Variants in PRKN observed in about 807,000 individuals in gnomAD.
The protein encoded by PRKN is E3 ubiquitin-protein ligase parkin.
Under a neutral mutation model 59.5 loss-of-function variants are expected in PRKN, and 56 were observed. That is an observed-to-expected ratio of 0.94 (90% CI 0.76 to 1.18). The LOEUF (loss-of-function observed/expected upper bound fraction) is 1.18, where lower values mean the gene tolerates loss of function less well. Ranked by LOEUF, PRKN falls within the 50% of genes most tolerant of loss-of-function variation. The pLI is 0.00. For missense variants in PRKN, 657 were observed against 596.4 expected, an observed-to-expected ratio of 1.10 and a Z score of -1.06; for synonymous variants, 250 against 222.1, an observed-to-expected ratio of 1.13 and a Z score of -1.12.
intron 2 of PRKN, among the ~76,000 whole-genome samples, chr6:162,383,029 G>A (rs1423775062): frequency 6.6e-6 from 1 of 152,134 alleles, no homozygotes; most frequent in Non-Finnish European, 1.5e-5. Context: ...TTTAATTCTA[G>A]ATCTCTTGCT....
At chr6:162,496,164 A>G (rs1018899241) in intron 1 of PRKN, among the ~76,000 whole-genome samples, 4 of 151,844 alleles carry the variant, frequency 2.6e-5, no homozygotes, top group African/African-American at 9.7e-5. Context: ...TTGAACCCCA[A>G]AGGTGGATGT....
At chr6:162,576,676 G>A (rs1452114808) in intron 1 of PRKN, among the ~76,000 whole-genome samples, 1 of 151,994 alleles carries the variant, frequency 6.6e-6, no homozygotes, top group Non-Finnish European at 1.5e-5. Context: ...GCTGGGCGTG[G>A]TGGCGCATGC....
chr6:161,735,459 G>T (rs1365099021), intron 7 of PRKN, among the ~76,000 whole-genome samples: 1 of 152,054 alleles, frequency 6.6e-6, no homozygotes, highest in East Asian at 1.9e-4. Context: ...TCCACAATAG[G>T]TGTTAGTCGA....
intron 1 of PRKN, among the ~76,000 whole-genome samples, chr6:162,640,628 A>G (rs1777922646): frequency 6.6e-6 from 1 of 152,218 alleles, no homozygotes; most frequent in African/African-American, 2.4e-5. Flanking sequence ...AGTCCTTAGT[A>G]ATTAAGTTTT....
At chr6:162,235,965 G>GAAAGAAAGA (rs1778664622) in intron 3 of PRKN, among the ~76,000 whole-genome samples, 1 of 93,608 alleles carries the variant, frequency 1.1e-5, no homozygotes, top group East Asian at 7.7e-4. Flanking sequence ...AAGGAAGAAA[G>GAAAGAAAGA]AAAGAAAGAA....
rs77816800 is a variant in PRKN, at chr6:161,544,894, T to C, written c.1083+3960A>G. 2.0e-5 allele frequency among the ~76,000 whole-genome samples: 3 copies of C among 152,184 alleles called. No homozygotes were observed. The highest frequency in any genetic ancestry group is 3.9e-4 in the East Asian group (2 of 5,188). ...CCCATATGTTTGAACAAAAGAGTCA[T>C]AAATACTAACTATAGCACCTATTTT... On this transcript the variant is annotated intron_variant, in intron 9 of 11. Transcript: ENST00000366898. This position sits in a 1 kb window ranked among gnomAD's most constrained non-coding sequence, Gnocchi z 5.5.
intron 1 of PRKN, among the ~76,000 whole-genome samples, chr6:162,543,666 C>T (rs146536566): frequency 2.6e-5 from 4 of 152,138 alleles, no homozygotes; most frequent in Admixed American, 2.0e-4. Flanking sequence ...CCCTGTCACA[C>T]TTTAAGTAAC....
At chr6:161,791,146 G>T (rs1790622089) in intron 6 of PRKN, among the ~76,000 whole-genome samples, 1 of 152,006 alleles carries the variant, frequency 6.6e-6, no homozygotes, top group South Asian at 2.1e-4. Flanking sequence ...TAAAGGTTAA[G>T]TAAAGTTCTC....
At chr6:162,265,863 T>A (rs1299488572) in intron 2 of PRKN, among the ~76,000 whole-genome samples, 1 of 152,166 alleles carries the variant, frequency 6.6e-6, no homozygotes, top group African/African-American at 2.4e-5. Flanking sequence ...GAAGATGGCA[T>A]ACTTTTATGG....
chr6:161,514,048 G>A (rs1216525074), intron 9 of PRKN, among the ~76,000 whole-genome samples: 1 of 151,826 alleles, frequency 6.6e-6, no homozygotes, highest in Admixed American at 6.6e-5. Context: ...TCTTCTCAAA[G>A]CAGAAATGTA....
intron 3 of PRKN, among the ~76,000 whole-genome samples, chr6:162,224,782 T>C (rs927488813): frequency 6.6e-6 from 1 of 152,096 alleles, no homozygotes; most frequent in South Asian, 2.1e-4. Context: ...GAGAAAATCA[T>C]GGCAAAAAAT....
At chr6:162,018,911 T>C (rs6415088) in intron 5 of PRKN, among the ~76,000 whole-genome samples, 123,496 of 151,758 alleles carry the variant, frequency 0.81, 50,870 homozygotes, top group African/African-American at 0.95. Flanking sequence ...TATTATTTTC[T>C]CATAATTTAG....
rs1409953206 is a variant in PRKN at position 161,499,584 on chromosome 6, A to T, written c.1083+49270T>A. Among the ~76,000 whole-genome samples, 1 of 152,076 alleles carries T rather than the reference A, an allele frequency of 6.6e-6. No homozygotes were observed. The highest frequency in any genetic ancestry group is 1.5e-5 in the Non-Finnish European group (1 of 68,018). On this transcript the variant is annotated intron_variant, in intron 9 of 11. Coordinates refer to ENST00000366898, the MANE Select transcript of PRKN (RefSeq NM_004562.3). This position sits in a 1 kb window ranked among gnomAD's most constrained non-coding sequence, Gnocchi z 4.2. ...CTTCTGAAAATGTGGTCCCTGGTCCACCTGGATCCAAGTTAGCTGAGTTGC... is the reference window on the plus strand; with the variant it reads ...CTTCTGAAAATGTGGTCCCTGGTCCTCCTGGATCCAAGTTAGCTGAGTTGC...
chr6:162,505,246 A>C (rs552424454), intron 1 of PRKN, among the ~76,000 whole-genome samples: 7 of 145,440 alleles, frequency 4.8e-5, no homozygotes, highest in Non-Finnish European at 1.1e-4. Flanking sequence ...AAGGATTTTT[A>C]ATGCAGCCTT....
At chr6:162,469,541 A>C (rs888300521) in intron 1 of PRKN, among the ~76,000 whole-genome samples, 3 of 150,932 alleles carry the variant, frequency 2.0e-5, no homozygotes, top group Non-Finnish European at 4.4e-5. Context: ...TACACATACT[A>C]CTCAGCCATT....
intron 7 of PRKN, among the ~76,000 whole-genome samples, chr6:161,726,428 T>C (rs1787443211): frequency 6.6e-6 from 1 of 152,230 alleles, no homozygotes; most frequent in Non-Finnish European, 1.5e-5. Flanking sequence ...TAATGTGTTA[T>C]CCGGCACATG....
chr6:161,506,607 T>C (rs1778180808), intron 9 of PRKN, among the ~76,000 whole-genome samples: 1 of 152,058 alleles, frequency 6.6e-6, no homozygotes, highest in Admixed American at 6.6e-5. Context: ...TCAAAAAGGG[T>C]CACAGGCGAG....
intron 6 of PRKN, among the ~76,000 whole-genome samples, chr6:161,888,313 C>T (rs1428745183): frequency 6.6e-6 from 1 of 152,196 alleles, no homozygotes; most frequent in African/African-American, 2.4e-5. Flanking sequence ...TTAACAGCTT[C>T]TGCAGCCCTC....
chr6:162,588,174 C>A (rs905955882), intron 1 of PRKN, among the ~76,000 whole-genome samples: 21 of 151,704 alleles, frequency 1.4e-4, no homozygotes, highest in Non-Finnish European at 2.6e-4. Context: ...CCATCCCTAA[C>A]TAATTTTTGT....
Sources: gnomAD v4.1 joint callset for allele counts (sites outside exome capture counted in the v4.1 genomes callset) on GRCh38, gnomAD v4.1.1 for gene constraint, Gnocchi (gnomAD v3.1) non-coding constraint, MANE v1.5 for transcripts, NCBI Gene and HGNC (gene_info 2026-07-23, HGNC 2026-07-21) for gene names.